The following CMTM4 variants were observed in gnomAD, a reference collection of about 807,000 sequenced individuals.
CMTM4 encodes the protein CKLF like MARVEL transmembrane domain containing 4.
CMTM4 carries 8 observed loss-of-function variants against 19.0 expected under a neutral mutation model. That is an observed-to-expected ratio of 0.42 (90% CI 0.25 to 0.76). The LOEUF is 0.76. Among genes scored for constraint, CMTM4 ranks in the 30% least tolerant of loss-of-function variants. The pLI, the probability that CMTM4 is intolerant of heterozygous loss-of-function variation, is 0.27. For missense variants in CMTM4, 228 were observed against 290.2 expected (o/e 0.79, Z 1.56); for synonymous variants, 106 against 121.1 (o/e 0.88, Z 0.82).
At chr16:66,687,366 T>C (rs1011588289) in intron 1 of CMTM4, among the ~76,000 whole-genome samples, 3 of 152,248 alleles carry the variant, frequency 2.0e-5, no homozygotes, top group African/African-American at 7.2e-5. Context: ...GGTACTTGCA[T>C]GTGGTACAAA....
At chr16:66,683,176 C>CATATATATATATATATACATATATAT (rs71378404) in intron 1 of CMTM4, among the ~76,000 whole-genome samples, 2 of 106,016 alleles carry the variant, frequency 1.9e-5, no homozygotes, top group East Asian at 3.0e-4. Flanking sequence ...TATATATATA[C>CATATATATATATATATACATATATAT]ATATGTATAT....
chr16:66,665,964 T>C (rs1031093763), intron 1 of CMTM4, among the ~76,000 whole-genome samples: 3 of 151,106 alleles, frequency 2.0e-5, no homozygotes, highest in African/African-American at 4.9e-5. Flanking sequence ...CCCAGCTACT[T>C]GGGAGGCTCA....
Position 66,657,837 on chromosome 16 carries a change from G to A in CMTM4, c.187-21256C>T, listed in dbSNP as rs2016426289. Among the ~76,000 whole-genome samples the A allele has an allele frequency of 2.0e-5, 3 of 152,160 alleles. No homozygotes were observed. The South Asian group carries it at 6.2e-4, about 31-fold the overall frequency. On this transcript the variant is annotated intron_variant, in intron 1 of 3. Coordinates refer to ENST00000394106, the MANE Select transcript of CMTM4 (RefSeq NM_181521.3). Reference sequence around the variant, plus strand: ...AATCAGCATTTACCTTGCCTTTCCTGTACAAACTGTATTTCAGGAAAATCA... The same window carrying A: ...AATCAGCATTTACCTTGCCTTTCCTATACAAACTGTATTTCAGGAAAATCA...
chr16:66,677,446 C>T (rs1257626902), intron 1 of CMTM4, among the ~76,000 whole-genome samples: 3 of 152,214 alleles, frequency 2.0e-5, no homozygotes, highest in Non-Finnish European at 4.4e-5. Flanking sequence ...GAGCTTCCAG[C>T]CAGGCTGAGG....
chr16:66,664,357 T>C (rs927170033), intron 1 of CMTM4, among the ~76,000 whole-genome samples: 11 of 152,012 alleles, frequency 7.2e-5, no homozygotes, highest in African/African-American at 2.4e-4. Flanking sequence ...GAGGGAAACT[T>C]GGAATATCAG....
intron 1 of CMTM4, among the ~76,000 whole-genome samples, chr16:66,695,125 T>C (rs2017207286): frequency 6.6e-6 from 1 of 152,116 alleles, no homozygotes; most frequent in African/African-American, 2.4e-5. Flanking sequence ...GGAGGGGTGA[T>C]CGCTTGAGCC....
chr16:66,654,239 C>A (rs1443590921), intron 1 of CMTM4, among the ~76,000 whole-genome samples: 1 of 152,134 alleles, frequency 6.6e-6, no homozygotes, highest in Non-Finnish European at 1.5e-5. Context: ...TTAAGCAAAC[C>A]AGCCAAGATA....
At position 66,633,116 on chromosome 16, in the gene CMTM4, T is replaced by A. The variant is rs377477458; in HGVS notation, c.363+3289A>T. Among the ~76,000 whole-genome samples, 14 of 57,038 alleles carry A rather than the reference T, an allele frequency of 2.5e-4. No homozygotes were observed. The East Asian group carries it at 5.6e-3, about 23-fold the overall frequency. The allele number at this position is 57,038 out of a possible 152,430, so 37.4% of individuals were successfully genotyped here. On this transcript the variant is annotated intron_variant, in intron 2 of 3. Coordinates refer to ENST00000394106, the MANE Select transcript of CMTM4 (RefSeq NM_181521.3). ...ATATATATATAAATATATATATATATAAATATATATATATAAATATATATA... is the reference window on the plus strand; with the variant it reads ...ATATATATATAAATATATATATATAAAAATATATATATATAAATATATATA...
At chr16:66,682,326 T>A (rs1200733336) in intron 1 of CMTM4, among the ~76,000 whole-genome samples, 1 of 152,142 alleles carries the variant, frequency 6.6e-6, no homozygotes, top group Admixed American at 6.6e-5. Flanking sequence ...TGAAAGAAAG[T>A]AGACAAGCTG....
At chr16:66,633,132 A>AAT (rs1295679752) in intron 2 of CMTM4, among the ~76,000 whole-genome samples, 155 of 129,782 alleles carry the variant, frequency 1.2e-3, no homozygotes, top group Middle Eastern at 4.0e-3. Context: ...TATATATATA[A>AAT]ATATATATAT....
intron 1 of CMTM4, among the ~76,000 whole-genome samples, chr16:66,687,708 G>C (rs1216452839): frequency 1.7e-5 from 2 of 116,482 alleles, no homozygotes; most frequent in Non-Finnish European, 3.3e-5. Flanking sequence ...TTTTTTTTGA[G>C]ACGGAGTCTC....
chr16:66,672,481 ATAATAT>A (rs1012459769), intron 1 of CMTM4, among the ~76,000 whole-genome samples: 1 of 149,986 alleles, frequency 6.7e-6, no homozygotes, highest in Non-Finnish European at 1.5e-5. Context: ...TTATATATAT[ATAATAT>A]GTATATATTA....
At chr16:66,695,116 G>T (rs930508978) in intron 1 of CMTM4, among the ~76,000 whole-genome samples, 1 of 152,216 alleles carries the variant, frequency 6.6e-6, no homozygotes, top group Non-Finnish European at 1.5e-5. Context: ...GGAAACCAAG[G>T]AGGGGTGATC....
At chr16:66,632,479 T>G (rs564578249) in intron 2 of CMTM4, among the ~76,000 whole-genome samples, 1 of 152,166 alleles carries the variant, frequency 6.6e-6, no homozygotes, top group Non-Finnish European at 1.5e-5. Flanking sequence ...TATATTAAAC[T>G]CCATATTTAC....
chr16:66,640,946 C>G (rs1265286401), intron 1 of CMTM4, among the ~76,000 whole-genome samples: 1 of 152,168 alleles, frequency 6.6e-6, no homozygotes, highest in East Asian at 1.9e-4. Flanking sequence ...GATGACATAG[C>G]CCTAGCCAAA....
intron 1 of CMTM4, among the ~76,000 whole-genome samples, chr16:66,680,914 G>C (rs1018751961): frequency 1.3e-5 from 2 of 151,010 alleles, no homozygotes; most frequent in Non-Finnish European, 2.9e-5. Context: ...TCTACTCAAA[G>C]TCTCTGACCA....
intron 1 of CMTM4, among the ~76,000 whole-genome samples, chr16:66,680,582 G>A (rs2016893657): frequency 2.0e-5 from 3 of 151,560 alleles, no homozygotes; most frequent in African/African-American, 2.4e-5. Context: ...AGACCATCAT[G>A]GCTAACGCGG....
the CMTM4 span, among the ~76,000 whole-genome samples, chr16:66,606,423 C>T: frequency 6.6e-6 from 1 of 152,146 alleles, no homozygotes; most frequent in Non-Finnish European, 1.5e-5. Context: ...GCCTCCCAGC[C>T]CGTCTCTATG....
the CMTM4 span, chr16:66,604,215 G>A: frequency 6.6e-6 from 1 of 152,558 alleles, no homozygotes; most frequent in Admixed American, 6.5e-5. Flanking sequence ...GGTTGGGGGA[G>A]GCGGGTGCAG....
Sources: gnomAD v4.1 joint callset for allele counts (sites outside exome capture counted in the v4.1 genomes callset) on GRCh38, gnomAD v4.1.1 for gene constraint, MANE v1.5 for transcripts, NCBI Gene and HGNC (gene_info 2026-07-23, HGNC 2026-07-21) for gene names.